Variants in FAM53B observed in about 807,000 individuals in gnomAD.
FAM53B encodes the protein family with sequence similarity 53 member B.
Under a neutral mutation model 32.7 loss-of-function variants are expected in FAM53B, and 12 were observed. That is an observed-to-expected ratio of 0.37 (90% CI 0.24 to 0.59). The LOEUF is 0.59. Among genes scored for constraint, FAM53B ranks in the 20% least tolerant of loss-of-function variants. The pLI, the probability that FAM53B is intolerant of heterozygous loss-of-function variation, is 0.72. For synonymous variants in FAM53B, 234 were observed against 228.7 expected, an observed-to-expected ratio of 1.02 and a Z score of -0.21; for missense variants, 477 against 577.7, an observed-to-expected ratio of 0.83 and a Z score of 1.79.
chr10:124,686,844 C>T (rs1373625444), intron 3 of FAM53B, among the ~76,000 whole-genome samples: 2 of 152,248 alleles, frequency 1.3e-5, no homozygotes, highest in Admixed American at 1.3e-4. Context: ...TCTTCCTTGG[C>T]CAGGTAAGTC....
intron 4 of FAM53B, among the ~76,000 whole-genome samples, chr10:124,662,787 G>A (rs1949643186): frequency 6.6e-6 from 1 of 152,204 alleles, no homozygotes; most frequent in Admixed American, 6.5e-5. Context: ...TCACACCACA[G>A]TACTCCAGCC....
Sources: gnomAD v4.1 joint callset for allele counts (sites outside exome capture counted in the v4.1 genomes callset) on GRCh38, gnomAD v4.1.1 for gene constraint, MANE v1.5 for transcripts, NCBI Gene and HGNC (gene_info 2026-07-23, HGNC 2026-07-21) for gene names.